Variants in MIPOL1 observed in about 807,000 individuals in gnomAD.
MIPOL1 encodes the protein mirror-image polydactyly gene 1 protein.
A neutral mutation model predicts 60.9 loss-of-function variants in MIPOL1; 57 were observed. The ratio of observed to expected loss-of-function variants is 0.94; its 90% confidence interval spans 0.76 to 1.17. The LOEUF (loss-of-function observed/expected upper bound fraction) is 1.17. Ranked by LOEUF, MIPOL1 falls within the 50% of genes most tolerant of loss-of-function variation. The probability of loss-of-function intolerance (pLI) is 0.00; values close to 1 mark genes in which losing one functional copy is unlikely to be tolerated. For synonymous variants in MIPOL1, 179 were observed against 168.8 expected (o/e 1.06, Z -0.47); for missense variants, 551 against 511.6 (o/e 1.08, Z -0.74).
Position 37,399,808 on chromosome 14 carries a change from C to G in MIPOL1, c.937-23047C>G, listed in dbSNP as rs530827009. The G allele has an allele frequency of 5.3e-5, 8 of 152,280 alleles. No individual in the cohort carries two copies. The East Asian group carries it at 1.2e-3, about 22-fold the overall frequency. The allele number at this position is 152,280 out of a possible 1,614,324, so 9.4% of individuals were successfully genotyped here. ...TAATCTATGCCATGTCCATTAGACACTAACACCAGTATTGGTTTTAGCTCT... is the reference window on the plus strand; with the variant it reads ...TAATCTATGCCATGTCCATTAGACAGTAACACCAGTATTGGTTTTAGCTCT... On this transcript the variant is annotated intron_variant, in intron 10 of 12. Transcript: ENST00000684589.
intron 12 of MIPOL1, among the ~76,000 whole-genome samples, chr14:37,546,458 T>C (rs1224613587): frequency 6.6e-6 from 1 of 152,194 alleles, no homozygotes; most frequent in Non-Finnish European, 1.5e-5. Flanking sequence ...ACATAGAAGT[T>C]ACACAGTATA....
rs991017853 is a variant in MIPOL1, at chr14:37,308,689, T to A, written c.828+170T>A. On this transcript the variant is annotated intron_variant, in intron 9 of 12. Transcript: ENST00000684589. The stretch of plus-strand genomic sequence containing the variant: ...AAAATAATTATGTATTTTATTATAC[T>A]ACTGTTCAAAATATGAAACCTCATT... 3.9e-5 allele frequency among the ~76,000 whole-genome samples: 6 copies of A among 152,184 alleles called. No homozygotes were observed. The East Asian group carries it at 9.6e-4, about 24-fold the overall frequency.
At chr14:37,464,408 A>G (rs2094574506) in intron 11 of MIPOL1, among the ~76,000 whole-genome samples, 3 of 152,236 alleles carry the variant, frequency 2.0e-5, no homozygotes, top group Non-Finnish European at 2.9e-5. Flanking sequence ...CATGAAAAAG[A>G]ATGAAAATAT....
At chr14:37,398,759 A>G (rs1294989048) in intron 10 of MIPOL1, among the ~76,000 whole-genome samples, 1 of 152,152 alleles carries the variant, frequency 6.6e-6, no homozygotes, top group Non-Finnish European at 1.5e-5. Context: ...AACGAGTAAG[A>G]TCTTTTCGTT....
At chr14:37,404,990 T>C (rs561043341) in intron 10 of MIPOL1, among the ~76,000 whole-genome samples, 4 of 152,312 alleles carry the variant, frequency 2.6e-5, no homozygotes, top group Admixed American at 6.5e-5. Context: ...CTTTTTTCTC[T>C]CTCCTCACTT....
chr14:37,550,377 C>T lies in MIPOL1; in HGVS notation c.*3406C>T, dbSNP rs2095558850. On this transcript the variant is annotated 3_prime_UTR_variant, in exon 13 of 13. Transcript: ENST00000684589. ...ATAAGGCATTCTATGATGAAATAGC[C>T]ATGGCTTATATATTTTTGTCTTTTC... The T allele has an allele frequency of 6.6e-6, 1 of 151,238 alleles. No homozygotes were observed. Among genetic ancestry groups the T allele is most frequent in the Non-Finnish European group, 1.5e-5 (1 of 67,678 alleles). 9.4% of individuals were successfully genotyped at this position (151,238 alleles called of 1,614,324 possible).
In MIPOL1 at chr14:37,318,356, G is replaced by A. The variant is rs554259511; in HGVS notation, c.828+9837G>A. On this transcript the variant is annotated intron_variant, in intron 9 of 12. Coordinates refer to ENST00000684589, the MANE Select transcript of MIPOL1 (RefSeq NM_001388067.1). ...TTTGACAAAAAGGTTATACTCGAAAGGAAAATAAAGCATAACATTTAGAGT... is the reference window on the plus strand; with the variant it reads ...TTTGACAAAAAGGTTATACTCGAAAAGAAAATAAAGCATAACATTTAGAGT... 1.7e-3 allele frequency among the ~76,000 whole-genome samples: 258 copies of A among 152,228 alleles called. 1 individual carries two copies. The highest frequency in any genetic ancestry group is 5.6e-3 in the African/African-American group (233 of 41,548).
chr14:37,327,485 C>T (rs1433009272), intron 9 of MIPOL1, among the ~76,000 whole-genome samples: 2 of 151,994 alleles, frequency 1.3e-5, no homozygotes, highest in African/African-American at 4.8e-5. Flanking sequence ...ACAGAGTCTC[C>T]TTATGTTGCC....
chr14:37,426,149 G>C (rs1304752716), intron 11 of MIPOL1, among the ~76,000 whole-genome samples: 3 of 151,990 alleles, frequency 2.0e-5, no homozygotes, highest in Non-Finnish European at 4.4e-5. Flanking sequence ...AGGTAGGAAG[G>C]GATGGAATTT....
chr14:37,441,798 G>C (rs886972282), intron 11 of MIPOL1, among the ~76,000 whole-genome samples: 1 of 151,976 alleles, frequency 6.6e-6, no homozygotes, highest in Non-Finnish European at 1.5e-5. Context: ...CCAATTCTAT[G>C]AAAAATGACG....
intron 12 of MIPOL1, among the ~76,000 whole-genome samples, chr14:37,536,318 A>G (rs1274247900): frequency 6.6e-6 from 1 of 152,194 alleles, no homozygotes; most frequent in Non-Finnish European, 1.5e-5. Context: ...TTATATGCAG[A>G]CAGAGATGAT....
downstream of MIPOL1, chr14:37,551,328 G>A (rs2095561218): frequency 6.6e-6 from 1 of 151,992 alleles, no homozygotes; most frequent in African/African-American, 2.4e-5. Context: ...CCTGAAGACA[G>A]TGTACTAGAT....
At chr14:37,488,340 G>A (rs188591418) in intron 11 of MIPOL1, among the ~76,000 whole-genome samples, 206 of 152,228 alleles carry the variant, frequency 1.4e-3, no homozygotes, top group African/African-American at 4.8e-3. Flanking sequence ...TATTAGGTCC[G>A]CTTGGTGCAG....
intron 11 of MIPOL1, among the ~76,000 whole-genome samples, chr14:37,489,052 C>G (rs1477103615): frequency 6.6e-6 from 1 of 152,202 alleles, no homozygotes. Context: ...GAGTTCCATT[C>G]TCCGCATCAC....
At chr14:37,430,497 A>C (rs1048933763) in intron 11 of MIPOL1, among the ~76,000 whole-genome samples, 16 of 75,258 alleles carry the variant, frequency 2.1e-4, no homozygotes, top group Admixed American at 8.9e-4. Flanking sequence ...AGAAAATTAA[A>C]ATAGTTTTTT....
chr14:37,303,510 AT>A (rs1567371622), intron 7 of MIPOL1, among the ~76,000 whole-genome samples: 1 of 151,564 alleles, frequency 6.6e-6, no homozygotes, highest in African/African-American at 2.4e-5. Context: ...ATTCTTCCCT[AT>A]TTTTTACCCT....
intron 1 of MIPOL1, among the ~76,000 whole-genome samples, chr14:37,206,728 C>G (rs1029815100): frequency 2.0e-5 from 3 of 152,240 alleles, no homozygotes; most frequent in Admixed American, 6.5e-5. Flanking sequence ...GAACCCACCT[C>G]TTGCATCAGT....
chr14:37,337,806 G>A (rs1382803885), intron 9 of MIPOL1, among the ~76,000 whole-genome samples: 1 of 151,908 alleles, frequency 6.6e-6, no homozygotes, highest in East Asian at 1.9e-4. Context: ...TATATAATTT[G>A]CAAAATTTTC....
At chr14:37,313,680 C>T (rs573345703) in intron 9 of MIPOL1, among the ~76,000 whole-genome samples, 8 of 152,180 alleles carry the variant, frequency 5.3e-5, no homozygotes, top group South Asian at 4.2e-4. Flanking sequence ...TATGTACATG[C>T]GTGTTTGGAC....
Sources: allele counts gnomAD v4.1 joint callset (sites outside exome capture counted in the v4.1 genomes callset), GRCh38; gene constraint gnomAD v4.1.1; transcripts MANE v1.5; gene names NCBI Gene and HGNC (gene_info 2026-07-23, HGNC 2026-07-21).